Variants in GRID1 observed in about 807,000 individuals in gnomAD.
The protein encoded by GRID1 is glutamate ionotropic receptor delta type subunit 1, also known as glutamate receptor ionotropic, delta-1.
In GRID1, 28 loss-of-function variants were observed where a neutral mutation model predicts 98.0. The ratio of observed to expected loss-of-function variants is 0.29; its 90% CI spans 0.21 to 0.39. The LOEUF (loss-of-function observed/expected upper bound fraction) is 0.39. Ranked by LOEUF, GRID1 falls within the 10% of genes least tolerant of loss-of-function variation. The pLI, the probability that GRID1 is intolerant of heterozygous loss-of-function variation, is 1.00. For synonymous variants in GRID1, 553 were observed against 538.5 expected (o/e 1.03, Z -0.37); for missense variants, 1,111 against 1,340.5 (o/e 0.83, Z 2.67).
intron 13 of GRID1, among the ~76,000 whole-genome samples, chr10:85,640,341 C>A (rs1038450508): frequency 2.0e-5 from 3 of 152,206 alleles, no homozygotes; most frequent in African/African-American, 7.2e-5. Flanking sequence ...AGAGAAAGAA[C>A]AGAATTTCTT....
intron 4 of GRID1, among the ~76,000 whole-genome samples, chr10:85,974,729 T>C (rs1180665382): frequency 6.6e-6 from 1 of 152,222 alleles, no homozygotes; most frequent in Non-Finnish European, 1.5e-5. Flanking sequence ...GATGGACATG[T>C]TGAACGCTAC....
intron 4 of GRID1, among the ~76,000 whole-genome samples, chr10:86,127,571 T>C (rs1227141814): frequency 6.6e-6 from 1 of 152,128 alleles, no homozygotes; most frequent in African/African-American, 2.4e-5. Context: ...CTTCTCCCGC[T>C]CTCTCTTGGA....
intron 12 of GRID1, among the ~76,000 whole-genome samples, chr10:85,689,335 T>C (rs1410222389): frequency 2.0e-5 from 3 of 151,642 alleles, no homozygotes; most frequent in South Asian, 4.2e-4. Context: ...AAGGGAAAAA[T>C]TGAAATTGCT....
At chr10:85,717,864 T>A (rs969539415) in intron 12 of GRID1, among the ~76,000 whole-genome samples, 1 of 152,080 alleles carries the variant, frequency 6.6e-6, no homozygotes, top group Non-Finnish European at 1.5e-5. Flanking sequence ...ATGGGAGAAA[T>A]TGGCCACAAC....
At chr10:85,644,813 G>A (rs543612353) in intron 13 of GRID1, among the ~76,000 whole-genome samples, 7 of 152,192 alleles carry the variant, frequency 4.6e-5, no homozygotes, top group Admixed American at 6.5e-5. Flanking sequence ...GTTACTCCAC[G>A]TCTTCTTCAC....
intron 4 of GRID1, among the ~76,000 whole-genome samples, chr10:85,999,716 C>A (rs1842782950): frequency 6.6e-6 from 1 of 151,948 alleles, no homozygotes; most frequent in African/African-American, 2.4e-5. Flanking sequence ...AAGAAAAAAA[C>A]CAACTTGATT....
At chr10:85,907,095 C>T (rs898224720) in intron 5 of GRID1, among the ~76,000 whole-genome samples, 16 of 152,170 alleles carry the variant, frequency 1.1e-4, no homozygotes, top group South Asian at 2.1e-4. Flanking sequence ...GAACTTCATA[C>T]CTATAAGTTT....
At chr10:86,335,130 C>T (rs1848205225) in intron 2 of GRID1, among the ~76,000 whole-genome samples, 1 of 152,238 alleles carries the variant, frequency 6.6e-6, no homozygotes, top group Non-Finnish European at 1.5e-5. Flanking sequence ...TTGCTATAAC[C>T]ATTAAAACCA....
At chr10:85,862,004 C>CCACATCACAT (rs10659937) in intron 6 of GRID1, among the ~76,000 whole-genome samples, 4 of 152,068 alleles carry the variant, frequency 2.6e-5, no homozygotes, top group Non-Finnish European at 5.9e-5. Context: ...TACACGTCTT[C>CCACATCACAT]CACATCACAT....
intron 12 of GRID1, among the ~76,000 whole-genome samples, chr10:85,672,596 A>G (rs1841099326): frequency 6.6e-6 from 1 of 152,080 alleles, no homozygotes; most frequent in South Asian, 2.1e-4. Flanking sequence ...ATGAGCCCCC[A>G]CGCCCGGCCT....
At chr10:86,016,749 G>A (rs1270992561) in intron 4 of GRID1, among the ~76,000 whole-genome samples, 2 of 152,010 alleles carry the variant, frequency 1.3e-5, no homozygotes, top group African/African-American at 4.8e-5. Flanking sequence ...TCAGATCTCT[G>A]CCTCCCATTT....
At chr10:85,951,638 A>G (rs1842127258) in intron 4 of GRID1, among the ~76,000 whole-genome samples, 1 of 152,108 alleles carries the variant, frequency 6.6e-6, no homozygotes, top group Admixed American at 6.5e-5. Flanking sequence ...TTCTAGTAAC[A>G]TGTCTTATTT....
intron 8 of GRID1, among the ~76,000 whole-genome samples, chr10:85,738,125 A>C (rs1274269073): frequency 1.6e-4 from 24 of 152,146 alleles, no homozygotes; most frequent in Non-Finnish European, 7.3e-5. Context: ...TACCATCCAA[A>C]AGTTATAGGA....
At chr10:86,344,154 G>A (rs1848349991) in intron 2 of GRID1, among the ~76,000 whole-genome samples, 2 of 152,238 alleles carry the variant, frequency 1.3e-5, no homozygotes, top group South Asian at 4.1e-4. Context: ...CTGGGGCCTG[G>A]GTCTGCTGTG....
At chr10:86,060,484 A>G (rs1301827893) in intron 4 of GRID1, among the ~76,000 whole-genome samples, 1 of 152,198 alleles carries the variant, frequency 6.6e-6, no homozygotes, top group Non-Finnish European at 1.5e-5. Flanking sequence ...TCCCCAGTAT[A>G]TTGGTGAGAG....
At chr10:85,825,449 T>C (rs186328431) in intron 8 of GRID1, among the ~76,000 whole-genome samples, 26 of 152,318 alleles carry the variant, frequency 1.7e-4, no homozygotes, top group Non-Finnish European at 8.8e-5. Flanking sequence ...ATTTGTCAGA[T>C]GCATCATTTG....
At chr10:86,084,194 C>T (rs1844017325) in intron 4 of GRID1, among the ~76,000 whole-genome samples, 1 of 151,958 alleles carries the variant, frequency 6.6e-6, no homozygotes, top group Non-Finnish European at 1.5e-5. Flanking sequence ...GAAGGAGGCG[C>T]CCTAGGTGCC....
intron 7 of GRID1, among the ~76,000 whole-genome samples, chr10:85,855,685 G>A (rs1227596403): frequency 5.9e-5 from 9 of 152,176 alleles, no homozygotes; most frequent in African/African-American, 9.6e-5. Flanking sequence ...AGGTGCACTC[G>A]TTTCTTGGGG....
intron 8 of GRID1, among the ~76,000 whole-genome samples, chr10:85,747,091 T>C (rs1347612597): frequency 6.6e-5 from 10 of 152,084 alleles, no homozygotes; most frequent in African/African-American, 2.4e-4. Flanking sequence ...AGAACAGAAA[T>C]TTTTATCCTC....
Sources: gnomAD v4.1 joint callset for allele counts (sites outside exome capture counted in the v4.1 genomes callset) on GRCh38, gnomAD v4.1.1 for gene constraint, MANE v1.5 for transcripts, NCBI Gene and HGNC (gene_info 2026-07-23, HGNC 2026-07-21) for gene names.